KIF13A: variants seen among roughly 807,000 people sequenced by gnomAD.
The protein encoded by KIF13A is kinesin family member 13A.
KIF13A carries 79 observed loss-of-function variants against 212.2 expected under a neutral mutation model. The ratio of observed to expected loss-of-function variants is 0.37; its 90% CI spans 0.31 to 0.45. KIF13A has a LOEUF of 0.45. KIF13A is among the 20% of genes least tolerant of loss of function. KIF13A has a pLI of 1.00. For synonymous variants in KIF13A, 789 were observed against 808.6 expected (o/e 0.98, Z 0.41); for missense variants, 1,901 against 2,209.0 (o/e 0.86, Z 2.79).
rs551913508 is a variant in KIF13A, at chr6:17,847,520, T to A, written c.830+1857A>T. ...ACTTTTGTATATGAAAATAATAATG[T>A]GTTAACATCATCTTAAATGCAAGCT... On this transcript the variant is annotated intron_variant, in intron 9 of 38. Transcript: ENST00000259711. 9.8e-5 allele frequency among the ~76,000 whole-genome samples: 15 copies of A among 152,370 alleles called. No homozygotes were observed. The South Asian group carries it at 2.7e-3, about 27-fold the overall frequency.
intron 2 of KIF13A, among the ~76,000 whole-genome samples, chr6:17,932,510 T>G (rs1343326664): frequency 6.6e-6 from 1 of 152,236 alleles, no homozygotes; most frequent in African/African-American, 2.4e-5. Context: ...AACATCTGCA[T>G]TAGCTTCTTG....
intron 16 of KIF13A, among the ~76,000 whole-genome samples, chr6:17,820,491 C>A (rs7745578): frequency 0.46 from 69,345 of 152,008 alleles, 16,214 homozygotes; most frequent in South Asian, 0.53. Context: ...AGCATATTTT[C>A]AAACAGACCA....
intron 4 of KIF13A, among the ~76,000 whole-genome samples, chr6:17,867,655 C>A (rs760391251): frequency 3.9e-5 from 6 of 152,170 alleles, no homozygotes; most frequent in African/African-American, 1.4e-4. Context: ...AGAGCCTGTG[C>A]TTTTAACTAC....
At position 17,953,981 on chromosome 6, in the gene KIF13A, T is replaced by A. The variant is rs193221761; in HGVS notation, c.146+33073A>T. ...TTTGCTCACATTCCTCAAAAAAAAT[T>A]TTTTTTTCTTCGAAACAGATTTAAA... On this transcript the variant is annotated intron_variant, in intron 2 of 38. Coordinates refer to ENST00000259711, the MANE Select transcript of KIF13A (RefSeq NM_022113.6). The A allele has an allele frequency of 3.4e-3, 527 of 154,492 alleles. 2 individuals are homozygous for A. The highest frequency in any genetic ancestry group is 0.012 in the African/African-American group (512 of 41,596). 9.6% of individuals were successfully genotyped at this position (154,492 alleles called of 1,614,324 possible). A position where few individuals can be genotyped will look rare whatever the true frequency, so the allele number is the denominator to read the frequency against.
At chr6:17,875,421 T>TAAGG (rs937370133) in intron 3 of KIF13A, among the ~76,000 whole-genome samples, 1 of 151,894 alleles carries the variant, frequency 6.6e-6, no homozygotes, top group African/African-American at 2.4e-5. Flanking sequence ...GCTTCCCCTG[T>TAAGG]AAGGACTCCC....
In KIF13A at chr6:17,987,059, T is replaced by C; in HGVS notation, c.141A>G (p.Gly47=). 6.2e-7 allele frequency: 1 copy of C among 1,612,718 alleles called. No individual in the cohort carries two copies. Among genetic ancestry groups the C allele is most frequent in the Non-Finnish European group, 8.5e-7 (1 of 1,178,762 alleles). ...LHPPPSNTKQ[G]ERKPPKVFAF... The stretch of plus-strand genomic sequence containing the variant: ...CCTCTCGGAACCCGCTTTACCTTTC[T>C]CCCTGTTTGGTGTTAGAAGGAGGAG... Residue 47 remains glycine (G), a synonymous_variant, in exon 2 of 39, where the codon GGA becomes GGG. Coordinates refer to ENST00000259711, the MANE Select transcript of KIF13A (RefSeq NM_022113.6). The surrounding 1 kb of genome is among the most constrained non-coding windows in gnomAD (Gnocchi z 7.7).
Position 17,813,724 on chromosome 6 carries a change from A to AGT in KIF13A, c.2000+3294_2000+3295dup, listed in dbSNP as rs1385021661. On this transcript the variant is annotated intron_variant, in intron 17 of 38. Coordinates refer to ENST00000259711, the MANE Select transcript of KIF13A (RefSeq NM_022113.6). Reference sequence around the variant, plus strand: ...GCATCTCATTGCTAGTGAGAGCTGCAGTGTGTGTGTGAGTTACAGGAAGAG... The same window carrying AGT: ...GCATCTCATTGCTAGTGAGAGCTGCAGTGTGTGTGTGTGAGTTACAGGAAGAG... 5.3e-5 allele frequency among the ~76,000 whole-genome samples: 8 copies of AGT among 152,048 alleles called. No individual in the cohort carries two copies. In the South Asian group the frequency reaches 1.5e-3, roughly 28 times the overall value.
intron 3 of KIF13A, among the ~76,000 whole-genome samples, chr6:17,894,464 T>C (rs1162098365): frequency 1.3e-5 from 2 of 152,152 alleles, no homozygotes; most frequent in East Asian, 3.9e-4. Flanking sequence ...TCTTTTTCAT[T>C]CTGTTAATAA....
Position 17,984,014 on chromosome 6 carries a change from C to T in KIF13A, c.146+3040G>A, listed in dbSNP as rs947818111. Among the ~76,000 whole-genome samples, 1 of 152,096 alleles carries T rather than the reference C, an allele frequency of 6.6e-6. No homozygotes were observed. The highest frequency in any genetic ancestry group is 2.4e-5 in the African/African-American group (1 of 41,392). ...TAGCATCCACAGCCCCTCCTCAATGCTCCCATCACATTTGCTAAGCCCTTG... is the reference window on the plus strand; with the variant it reads ...TAGCATCCACAGCCCCTCCTCAATGTTCCCATCACATTTGCTAAGCCCTTG... On this transcript the variant is annotated intron_variant, in intron 2 of 38. Coordinates refer to ENST00000259711, the MANE Select transcript of KIF13A (RefSeq NM_022113.6). This position sits in a 1 kb window ranked among gnomAD's most constrained non-coding sequence, Gnocchi z 5.0.
rs1413450280 is a variant in KIF13A at position 17,843,255 on chromosome 6, A to T, written c.831-5672T>A. ...CCAAAACATGGACCTCTGTTTAAAA[A>T]GGACTAATTCAATGATGGTTTTGGG... On this transcript the variant is annotated intron_variant, in intron 9 of 38. Transcript: ENST00000259711. The surrounding 1 kb of genome is among the most constrained non-coding windows in gnomAD (Gnocchi z 5.3). 6.6e-6 allele frequency among the ~76,000 whole-genome samples: 1 copy of T among 152,244 alleles called. No homozygotes were observed. Among genetic ancestry groups the T allele is most frequent in the Non-Finnish European group, 1.5e-5 (1 of 68,046 alleles).
chr6:17,770,510 AC>A (rs1759404381), intron 38 of KIF13A: 2 of 152,024 alleles, frequency 1.3e-5, no homozygotes, highest in Admixed American at 1.3e-4. Context: ...GTTTCAGCCT[AC>A]CTGTGGCAAA....
At position 17,839,821 on chromosome 6, in the gene KIF13A, AG is replaced by A. The variant is rs1316955758; in HGVS notation, c.831-2239del. Among the ~76,000 whole-genome samples, 2 of 152,168 alleles carry A rather than the reference AG, an allele frequency of 1.3e-5. No homozygotes were observed. ...GAGGATTGATGGCCCTACAGAAACAAGGGGAGAGGCATGGAACAGATTCTCC... is the reference window on the plus strand; with the variant it reads ...GAGGATTGATGGCCCTACAGAAACAAGGGAGAGGCATGGAACAGATTCTCC... On this transcript the variant is annotated intron_variant, in intron 9 of 38. Transcript: ENST00000259711. This position sits in a 1 kb window ranked among gnomAD's most constrained non-coding sequence, Gnocchi z 4.3.
intron 17 of KIF13A, among the ~76,000 whole-genome samples, chr6:17,814,169 T>G (rs1356240825): frequency 1.3e-5 from 2 of 151,536 alleles, no homozygotes; most frequent in Non-Finnish European, 2.9e-5. Context: ...GCCAGGATGG[T>G]CTTGATCTCC....
rs1485258071 is a variant in KIF13A, at chr6:17,829,769, G to A, written c.1401+1332C>T. On this transcript the variant is annotated intron_variant, in intron 13 of 38. Coordinates refer to ENST00000259711, the MANE Select transcript of KIF13A (RefSeq NM_022113.6). This position sits in a 1 kb window ranked among gnomAD's most constrained non-coding sequence, Gnocchi z 5.4. ...TGAACAGATCTTAAGTTTGTTGGGG[G>A]ACTCTCAATAACTCAGGGGCTATTT... 6.6e-6 allele frequency among the ~76,000 whole-genome samples: 1 copy of A among 152,112 alleles called. No homozygotes were observed. The highest frequency in any genetic ancestry group is 1.5e-5 in the Non-Finnish European group (1 of 68,040).
intron 11 of KIF13A, among the ~76,000 whole-genome samples, chr6:17,835,520 A>G (rs1765874524): frequency 6.6e-6 from 1 of 152,212 alleles, no homozygotes; most frequent in Non-Finnish European, 1.5e-5. Context: ...ATGATTATAA[A>G]TTATAATAAA....
chr6:17,761,706 T>C (rs531988014), downstream of KIF13A, among the ~76,000 whole-genome samples: 10 of 152,154 alleles, frequency 6.6e-5, no homozygotes, highest in African/African-American at 2.4e-4. Flanking sequence ...AGGAGAAAAA[T>C]CTCCATAATC....
At chr6:17,887,824 G>C (rs1390380113) in intron 3 of KIF13A, among the ~76,000 whole-genome samples, 1 of 151,202 alleles carries the variant, frequency 6.6e-6, no homozygotes, top group Non-Finnish European at 1.5e-5. Context: ...CTCCCGAGTA[G>C]CTGGGATTAC....
At chr6:17,889,856 TA>T (rs1771884186) in intron 3 of KIF13A, among the ~76,000 whole-genome samples, 1 of 152,046 alleles carries the variant, frequency 6.6e-6, no homozygotes, top group African/African-American at 2.4e-5. Flanking sequence ...CATCTAAGTT[TA>T]AAAATCTCTC....
At position 17,780,833 on chromosome 6, in the gene KIF13A, T is replaced by C. The variant is rs1760499178; in HGVS notation, c.3743A>G (p.Glu1248Gly). 2 of 1,613,994 alleles carry C rather than the reference T, an allele frequency of 1.2e-6. No individual in the cohort carries two copies. The highest frequency in any genetic ancestry group is 1.3e-5 in the African/African-American group (1 of 75,056). ...GGTTTTCACAATTAGGTAAATCCTTTCATTCTGTGGTGTGACCCTATTCAA... is the reference window on the plus strand; with the variant it reads ...GGTTTTCACAATTAGGTAAATCCTTCCATTCTGTGGTGTGACCCTATTCAA... ...VHLNRVTPQNERIYLIVKTTV... is the reference protein window; with the variant it reads ...VHLNRVTPQNGRIYLIVKTTV... Residue 1248 changes from glutamate (E) to glycine (G), a missense_variant, in exon 31 of 39, where the codon GAA (glutamate) becomes GGA (glycine). Glu to Gly is a moderately conservative substitution (Grantham distance 98). This residue lies in a region of KIF13A where 687 missense variants were observed against 759.1 expected (regional missense o/e 0.90). Coordinates refer to ENST00000259711, the MANE Select transcript of KIF13A (RefSeq NM_022113.6).
Sources: gnomAD v4.1 joint callset for allele counts (sites outside exome capture counted in the v4.1 genomes callset) on GRCh38, gnomAD v4.1.1 for gene constraint, gnomAD v4.1.1 regional missense constraint, Gnocchi (gnomAD v3.1) non-coding constraint, MANE v1.5 for transcripts, NCBI Gene and HGNC (gene_info 2026-07-23, HGNC 2026-07-21) for gene names.